C1QTNF3: variants seen among roughly 807,000 people sequenced by gnomAD.
The protein encoded by C1QTNF3 is complement C1q tumor necrosis factor-related protein 3.
Under a neutral mutation model 32.6 loss-of-function variants are expected in C1QTNF3, and 26 were observed. The observed-to-expected ratio is 0.80, with a 90% CI of 0.58 to 1.11. The LOEUF (loss-of-function observed/expected upper bound fraction) is 1.11, where lower values mean the gene tolerates loss of function less well. C1QTNF3 is among the 50% of genes least tolerant of loss of function. The probability of loss-of-function intolerance (pLI) is 0.00; values close to 1 mark genes in which losing one functional copy is unlikely to be tolerated. For missense variants in C1QTNF3, 362 were observed against 398.2 expected (o/e 0.91, Z 0.77); for synonymous variants, 155 against 146.0 (o/e 1.06, Z -0.44).
the C1QTNF3 span, among the ~76,000 whole-genome samples, chr5:34,129,197 G>T: frequency 6.6e-6 from 1 of 152,022 alleles, no homozygotes; most frequent in Non-Finnish European, 1.5e-5. Flanking sequence ...ATTTCCTGAG[G>T]CCTCTCCAGC....
the C1QTNF3 span, among the ~76,000 whole-genome samples, chr5:34,050,046 T>A: frequency 6.6e-6 from 1 of 152,222 alleles, no homozygotes; most frequent in African/African-American, 2.4e-5. Flanking sequence ...TCAGGAGAGT[T>A]GAGAACATTT....
the C1QTNF3 span, among the ~76,000 whole-genome samples, chr5:34,239,971 T>C: frequency 6.6e-6 from 1 of 152,020 alleles, no homozygotes; most frequent in Non-Finnish European, 1.5e-5. Context: ...TATAAATAAA[T>C]ATCAACATCT....
chr5:34,100,920 T>A, the C1QTNF3 span, among the ~76,000 whole-genome samples: 3 of 152,004 alleles, frequency 2.0e-5, no homozygotes, highest in African/African-American at 2.4e-5. Context: ...TCATATTTAT[T>A]ATTTCCCAAC....
At chr5:34,199,667 GAC>G in the C1QTNF3 span, 4 of 133,904 alleles carry the variant, frequency 3.0e-5, no homozygotes, top group Non-Finnish European at 4.8e-5. Flanking sequence ...CAAATAATAA[GAC>G]AATTTTTAAA....
the C1QTNF3 span, among the ~76,000 whole-genome samples, chr5:34,233,116 A>T: frequency 1.3e-4 from 20 of 151,592 alleles, no homozygotes; most frequent in African/African-American, 4.8e-4. Flanking sequence ...GTGCCAGCTA[A>T]AATTAAAGTG....
the C1QTNF3 span, among the ~76,000 whole-genome samples, chr5:34,230,130 C>A: frequency 7.9e-5 from 12 of 152,174 alleles, no homozygotes; most frequent in African/African-American, 2.9e-4. Flanking sequence ...TTTAAGTCAC[C>A]CGGTCTATGG....
Position 34,020,360 on chromosome 5 carries a change from G to A in C1QTNF3, c.*223C>T. On this transcript the variant is annotated 3_prime_UTR_variant, in exon 6 of 6. Coordinates refer to ENST00000382065, the MANE Select transcript of C1QTNF3 (RefSeq NM_181435.6). Reference sequence around the variant, plus strand: ...CCAAGGAAAGAGTGATAAAGATGCTGAGTATATTAGTCAAGGTCATCTGAG... The same window carrying A: ...CCAAGGAAAGAGTGATAAAGATGCTAAGTATATTAGTCAAGGTCATCTGAG... 4.3e-6 allele frequency: 2 copies of A among 470,534 alleles called. No homozygotes were observed. The highest frequency in any genetic ancestry group is 7.5e-6 in the Non-Finnish European group (2 of 266,420). The allele number at this position is 470,534 out of a possible 1,614,324, so 29.1% of individuals were successfully genotyped here.
chr5:34,030,294 C>G (rs1287165856), intron 3 of C1QTNF3, among the ~76,000 whole-genome samples: 1 of 152,138 alleles, frequency 6.6e-6, no homozygotes, highest in Admixed American at 6.5e-5. Flanking sequence ...TCTGCTTAAT[C>G]AGTAAAAGAT....
At chr5:34,021,714 T>G (rs182720363) in intron 5 of C1QTNF3, among the ~76,000 whole-genome samples, 18 of 152,070 alleles carry the variant, frequency 1.2e-4, no homozygotes, top group Non-Finnish European at 2.2e-4. Context: ...AGTTGAACAA[T>G]GAGAACACAT....
At chr5:34,056,590 G>A in the C1QTNF3 span, among the ~76,000 whole-genome samples, 1 of 150,156 alleles carries the variant, frequency 6.7e-6, no homozygotes, top group Non-Finnish European at 1.5e-5. Context: ...ATGGTTCCCT[G>A]CAGCCTTGAC....
chr5:34,091,165 T>C, the C1QTNF3 span, among the ~76,000 whole-genome samples: 4 of 152,024 alleles, frequency 2.6e-5, no homozygotes, highest in African/African-American at 9.6e-5. Flanking sequence ...CCCGCTTTGA[T>C]AGATGAGCAC....
chr5:34,055,816 G>A, the C1QTNF3 span, among the ~76,000 whole-genome samples: 101,224 of 152,138 alleles, frequency 0.67, 34,132 homozygotes, highest in African/African-American at 0.74. Flanking sequence ...TGAAAATCTA[G>A]TATTTTCCAA....
intron 4 of C1QTNF3, among the ~76,000 whole-genome samples, chr5:34,027,527 G>A (rs375675951): frequency 6.6e-6 from 1 of 151,954 alleles, no homozygotes; most frequent in African/African-American, 2.4e-5. Context: ...GGTAAAGCCC[G>A]TCTCTACTAA....
the C1QTNF3 span, among the ~76,000 whole-genome samples, chr5:34,120,634 T>C: frequency 1.3e-5 from 2 of 152,186 alleles, no homozygotes; most frequent in African/African-American, 4.8e-5. Context: ...GTTCTCATGA[T>C]AGTGAATAAG....
At chr5:34,068,059 T>C in the C1QTNF3 span, among the ~76,000 whole-genome samples, 9 of 152,146 alleles carry the variant, frequency 5.9e-5, no homozygotes, top group African/African-American at 1.7e-4. Flanking sequence ...TCAGTGTCAA[T>C]AGTATATTAA....
the C1QTNF3 span, among the ~76,000 whole-genome samples, chr5:34,201,687 CT>C: frequency 6.6e-6 from 1 of 152,170 alleles, no homozygotes; most frequent in South Asian, 2.1e-4. Flanking sequence ...CTGTCTCCCC[CT>C]TTAGCTTTAT....
chr5:34,234,361 C>G, the C1QTNF3 span, among the ~76,000 whole-genome samples: 1 of 152,106 alleles, frequency 6.6e-6, no homozygotes, highest in Non-Finnish European at 1.5e-5. Flanking sequence ...TCCCAGATTA[C>G]TTTGTATATA....
At chr5:34,216,574 T>A in the C1QTNF3 span, among the ~76,000 whole-genome samples, 4 of 152,208 alleles carry the variant, frequency 2.6e-5, no homozygotes, top group African/African-American at 9.6e-5. Context: ...CCACATGGTA[T>A]CCATGTACAC....
the C1QTNF3 span, among the ~76,000 whole-genome samples, chr5:34,134,050 A>G: frequency 3.3e-5 from 5 of 152,220 alleles, no homozygotes; most frequent in Admixed American, 3.3e-4. Flanking sequence ...GATAATTATA[A>G]CAGAAGCAAA....
Sources: allele counts gnomAD v4.1 joint callset (sites outside exome capture counted in the v4.1 genomes callset), GRCh38; gene constraint gnomAD v4.1.1; transcripts MANE v1.5; gene names NCBI Gene and HGNC (gene_info 2026-07-23, HGNC 2026-07-21).